The following ATP9A variants were observed in gnomAD, a reference collection of about 807,000 sequenced individuals.
ATP9A encodes the protein ATPase phospholipid transporting 9A.
A neutral mutation model predicts 144.1 loss-of-function variants in ATP9A; 52 were observed. The observed-to-expected ratio is 0.36, with a 90% CI of 0.29 to 0.45. ATP9A has a LOEUF of 0.45. Ranked by LOEUF, ATP9A falls within the 20% of genes least tolerant of loss-of-function variation. The pLI, the probability that ATP9A is intolerant of heterozygous loss-of-function variation, is 1.00. For missense variants in ATP9A, 947 were observed against 1,392.7 expected (o/e 0.68, Z 5.09); for synonymous variants, 582 against 557.4 (o/e 1.04, Z -0.62).
Position 51,639,362 on chromosome 20 carries a change from C to T in ATP9A, c.1649G>A (p.Arg550His), listed in dbSNP as rs770094583. The T allele has an allele frequency of 2.3e-5, 37 of 1,613,476 alleles. No homozygotes were observed. The highest frequency in any genetic ancestry group is 2.8e-5 in the Non-Finnish European group (33 of 1,179,818). The change falls in exon 15 of 28, where the codon CGT (arginine) becomes CAT (histidine). Residue 550 changes from arginine to histidine, a missense_variant. Arg to His is a conservative substitution (Grantham distance 29). Transcript: ENST00000338821. Reference sequence around the variant, plus strand: ...ACTCACCCGCACGATGATGCCCATACGTTTGCTTTCATAGGTGAAAGGGAA... The same window carrying T: ...ACTCACCCGCACGATGATGCCCATATGTTTGCTTTCATAGGTGAAAGGGAA... ...QIFPFTYESK[R>H]MGIIVRDEST... is the part of the protein sequence containing the mutation.
chr20:51,715,872 G>A (rs2077659769), intron 3 of ATP9A, among the ~76,000 whole-genome samples: 1 of 152,216 alleles, frequency 6.6e-6, no homozygotes, highest in Non-Finnish European at 1.5e-5. Flanking sequence ...GCAGCTGTTG[G>A]AGCTGGTGAA....
intron 13 of ATP9A, among the ~76,000 whole-genome samples, chr20:51,662,267 G>T (rs951785336): frequency 6.6e-6 from 1 of 152,296 alleles, no homozygotes; most frequent in East Asian, 1.9e-4. Context: ...ATTGCACTGC[G>T]CCAGGTGTGG....
chr20:51,637,610 T>C (rs1038929375), intron 15 of ATP9A, among the ~76,000 whole-genome samples: 3 of 151,966 alleles, frequency 2.0e-5, no homozygotes, highest in African/African-American at 7.2e-5. Flanking sequence ...AGCCAAGCCT[T>C]AGCTGAAAAT....
At chr20:51,765,608 T>C (rs909694661) in intron 1 of ATP9A, among the ~76,000 whole-genome samples, 5 of 136,362 alleles carry the variant, frequency 3.7e-5, no homozygotes, top group South Asian at 4.4e-4. Context: ...GCCGAGATCG[T>C]GCCAGCCTTG....
chr20:51,762,859 G>C (rs1380925204), intron 1 of ATP9A, among the ~76,000 whole-genome samples: 1 of 151,690 alleles, frequency 6.6e-6, no homozygotes, highest in Non-Finnish European at 1.5e-5. Context: ...ACAGGCTCAA[G>C]CCACCATGCC....
rs1268053907 is a variant in ATP9A at position 51,631,295 on chromosome 20, C to T, written c.1669-2223G>A. On this transcript the variant is annotated intron_variant, in intron 15 of 27. Coordinates refer to ENST00000338821, the MANE Select transcript of ATP9A (RefSeq NM_006045.3). ...CAAGACAGGCACCCACGTTTAAAAG[C>T]GTTCAACTGCACACTTTATCTCTGA... 2.0e-5 allele frequency among the ~76,000 whole-genome samples: 3 copies of T among 152,318 alleles called. No individual in the cohort carries two copies. In the East Asian group the frequency reaches 5.8e-4, roughly 29 times the overall value.
intron 26 of ATP9A, among the ~76,000 whole-genome samples, chr20:51,606,360 AT>A (rs2077163606): frequency 2.0e-5 from 3 of 152,194 alleles, no homozygotes; most frequent in African/African-American, 7.2e-5. Flanking sequence ...TCACATGTAT[AT>A]TATATGTACT....
chr20:51,597,993 T>A lies in ATP9A; in HGVS notation c.*3218A>T, dbSNP rs951211908. Reference sequence around the variant, plus strand: ...GGCCCCAGGGGCTGGAAAAGGGAGGTCTGCTCCAACTTTAAGATGCGCCCT... The same window carrying A: ...GGCCCCAGGGGCTGGAAAAGGGAGGACTGCTCCAACTTTAAGATGCGCCCT... On this transcript the variant is annotated 3_prime_UTR_variant, in exon 28 of 28. Coordinates refer to ENST00000338821, the MANE Select transcript of ATP9A (RefSeq NM_006045.3). 1.3e-5 allele frequency: 2 copies of A among 150,500 alleles called. No individual in the cohort carries two copies. The highest frequency in any genetic ancestry group is 3.0e-5 in the Non-Finnish European group (2 of 67,720). The allele number at this position is 150,500 out of a possible 1,614,324, so 9.3% of individuals were successfully genotyped here.
intron 1 of ATP9A, among the ~76,000 whole-genome samples, chr20:51,747,101 T>C: frequency 1.1e-5 from 1 of 88,138 alleles, no homozygotes; most frequent in South Asian, 3.0e-4. Flanking sequence ...GTTTTTCGTT[T>C]TTTTTTTTTT....
intron 13 of ATP9A, among the ~76,000 whole-genome samples, chr20:51,660,661 T>C (rs1337168320): frequency 6.6e-6 from 1 of 152,224 alleles, no homozygotes; most frequent in African/African-American, 2.4e-5. Flanking sequence ...TAAAGTCTCA[T>C]TTGCACACCA....
intron 14 of ATP9A, among the ~76,000 whole-genome samples, chr20:51,651,826 G>A (rs967934060): frequency 1.3e-5 from 2 of 152,138 alleles, no homozygotes; most frequent in Admixed American, 1.3e-4. Context: ...CTACTCAGGA[G>A]GCTGAGGCAG....
At chr20:51,700,666 A>T (rs1436100251) in intron 4 of ATP9A, among the ~76,000 whole-genome samples, 1 of 152,124 alleles carries the variant, frequency 6.6e-6, no homozygotes, top group South Asian at 2.1e-4. Context: ...CTCCATCTCT[A>T]CTAAAAATAC....
intron 3 of ATP9A, among the ~76,000 whole-genome samples, chr20:51,713,890 C>T (rs2077650488): frequency 6.6e-6 from 1 of 152,128 alleles, no homozygotes; most frequent in Admixed American, 6.6e-5. Flanking sequence ...GTGCTTCAGC[C>T]TATCTGTAAT....
chr20:51,716,193 A>G (rs1384687395), intron 3 of ATP9A, among the ~76,000 whole-genome samples: 1 of 152,194 alleles, frequency 6.6e-6, no homozygotes, highest in African/African-American at 2.4e-5. Context: ...TTATATCTCA[A>G]TAACAAAAAT....
chr20:51,618,847 A>T, intron 20 of ATP9A, 41 bp from the exon 21 acceptor site: 1 of 1,579,250 alleles, frequency 6.3e-7, no homozygotes, highest in Non-Finnish European at 8.6e-7. Flanking sequence ...GTGGAGGGAG[A>T]GGTGGTGCGT....
chr20:51,751,870 G>C (rs2077833686), intron 1 of ATP9A, among the ~76,000 whole-genome samples: 1 of 152,138 alleles, frequency 6.6e-6, no homozygotes, highest in African/African-American at 2.4e-5. Flanking sequence ...TTATAGGCGT[G>C]AGCCACCGCG....
At chr20:51,616,208 G>A (rs1014310582) in intron 22 of ATP9A, among the ~76,000 whole-genome samples, 19 of 152,100 alleles carry the variant, frequency 1.2e-4, no homozygotes, top group African/African-American at 3.9e-4. Flanking sequence ...GTAAAGAGGG[G>A]GAAAAAAAGC....
intron 22 of ATP9A, among the ~76,000 whole-genome samples, chr20:51,614,611 A>AT (rs1251720259): frequency 1.3e-5 from 2 of 152,112 alleles, no homozygotes; most frequent in Non-Finnish European, 2.9e-5. Context: ...GAATTCTCTC[A>AT]TTTTAAAAGG....
At chr20:51,710,675 T>C (rs6067908) in intron 4 of ATP9A, among the ~76,000 whole-genome samples, 37,306 of 152,050 alleles carry the variant, frequency 0.25, 4,908 homozygotes, top group Non-Finnish European at 0.28. Context: ...AGAGTGGGAT[T>C]GGCATAACAA....
Sources: allele counts gnomAD v4.1 joint callset (sites outside exome capture counted in the v4.1 genomes callset), GRCh38; gene constraint gnomAD v4.1.1; transcripts MANE v1.5; gene names NCBI Gene and HGNC (gene_info 2026-07-23, HGNC 2026-07-21).